BOP1: variants seen among roughly 807,000 people sequenced by gnomAD.
The protein encoded by BOP1 is BOP1 ribosomal biogenesis factor, also known as ribosome biogenesis protein BOP1.
Under a neutral mutation model 82.9 loss-of-function variants are expected in BOP1, and 54 were observed. The observed-to-expected ratio is 0.65, with a 90% CI of 0.52 to 0.82. The LOEUF is 0.82. Ranked by LOEUF, BOP1 falls within the 40% of genes least tolerant of loss-of-function variation. The pLI, the probability that BOP1 is intolerant of heterozygous loss-of-function variation, is 0.00. For synonymous variants in BOP1, 566 were observed against 451.1 expected (o/e 1.25, Z -3.23); for missense variants, 1,170 against 1,072.0 (o/e 1.09, Z -1.28).
At chr8:144,273,024 C>T (rs921771685) in intron 3 of BOP1, among the ~76,000 whole-genome samples, 1 of 152,264 alleles carries the variant, frequency 6.6e-6, no homozygotes, top group South Asian at 2.1e-4. Context: ...GGTGGATGGC[C>T]GCCAGGGAGA....
chr8:144,289,875 G>C (rs1814984919), intron 1 of BOP1, among the ~76,000 whole-genome samples: 2 of 152,216 alleles, frequency 1.3e-5, no homozygotes, highest in Admixed American at 6.5e-5. Context: ...TAAATTGAAA[G>C]GATTGGCTGA....
intron 2 of BOP1, among the ~76,000 whole-genome samples, chr8:144,288,475 C>T (rs557931201): frequency 6.6e-6 from 1 of 151,736 alleles, no homozygotes; most frequent in East Asian, 1.9e-4. Flanking sequence ...TTGCAGTGAG[C>T]CAAGATCACA....
intron 2 of BOP1, among the ~76,000 whole-genome samples, chr8:144,283,865 C>T (rs1023788378): frequency 5.9e-5 from 9 of 152,194 alleles, no homozygotes; most frequent in Non-Finnish European, 1.3e-4. Flanking sequence ...CGCCTGTCAT[C>T]CCAGCACTTC....
intron 1 of BOP1, among the ~76,000 whole-genome samples, chr8:144,290,052 C>T (rs1342205582): frequency 1.3e-5 from 2 of 152,150 alleles, no homozygotes; most frequent in African/African-American, 4.8e-5. Context: ...GGAACAAGAA[C>T]TTAGACTCTT....
Position 144,263,913 on chromosome 8 carries a change from TG to T in BOP1, c.1141-3del. 2 of 1,611,522 alleles carry T rather than the reference TG, an allele frequency of 1.2e-6. No homozygotes were observed. Among genetic ancestry groups the T allele is most frequent in the Admixed American group, 3.3e-5 (2 of 59,934 alleles). ...GAGGTCCTCAGGGTCTACATTCACC[TG>T]GGGCAGGAGAGCGCCAGGTCAGCCT... On this transcript the variant is annotated splice_polypyrimidine_tract_variant and splice_region_variant and intron_variant, in intron 8 of 15. Transcript: ENST00000569669.
chr8:144,271,565 T>G (rs1237415492), intron 3 of BOP1, among the ~76,000 whole-genome samples: 4 of 152,124 alleles, frequency 2.6e-5, no homozygotes, highest in Non-Finnish European at 2.9e-5. Flanking sequence ...TGAGGCCGCC[T>G]CCTCTTCCTC....
intron 3 of BOP1, among the ~76,000 whole-genome samples, chr8:144,275,499 AC>A (rs1845556131): frequency 1.3e-5 from 2 of 150,244 alleles, no homozygotes; most frequent in Non-Finnish European, 3.0e-5. Flanking sequence ...CAGCCTCTCC[AC>A]GCTGGCGGAG....
chr8:144,272,575 C>A lies in BOP1; in HGVS notation c.390+3649G>T, dbSNP rs111442765. On this transcript the variant is annotated intron_variant, in intron 3 of 15. Coordinates refer to ENST00000569669, the MANE Select transcript of BOP1 (RefSeq NM_015201.5). ...GCTCAAGAGCCCTGTAGAGCACCCC[C>A]CGCTGCCCACCCGGGTTCCAGCTGC... Among the ~76,000 whole-genome samples, 1,415 of 152,294 alleles carry A rather than the reference C, an allele frequency of 9.3e-3. 26 individuals are homozygous for A. Among genetic ancestry groups the A allele is most frequent in the African/African-American group, 0.032 (1,323 of 41,568 alleles).
chr8:144,266,426 T>G, intron 3 of BOP1: 4 of 847,616 alleles, frequency 4.7e-6, no homozygotes, highest in Non-Finnish European at 5.7e-6. Context: ...GACGCCGCTA[T>G]AAAGGCGCAG....
chr8:144,271,387 G>A (rs1000071647), intron 3 of BOP1, among the ~76,000 whole-genome samples: 1 of 152,076 alleles, frequency 6.6e-6, no homozygotes, highest in African/African-American at 2.4e-5. Flanking sequence ...TCCTCGTTCC[G>A]CCTCTCCCAC....
At chr8:144,287,747 A>G (rs1366090887) in intron 2 of BOP1, among the ~76,000 whole-genome samples, 1 of 151,970 alleles carries the variant, frequency 6.6e-6, no homozygotes, top group Non-Finnish European at 1.5e-5. Flanking sequence ...ACAGCACATC[A>G]TTTTTTCTCT....
chr8:144,271,406 C>T (rs1410759572), intron 3 of BOP1, among the ~76,000 whole-genome samples: 2 of 152,082 alleles, frequency 1.3e-5, no homozygotes, highest in Non-Finnish European at 2.9e-5. Context: ...ACCTGTCCCC[C>T]GGGAGCGTGG....
Position 144,262,221 on chromosome 8 carries a change from G to A in BOP1, c.2184C>T (p.Pro728=). Residue 728 remains proline, a synonymous_variant, in exon 16 of 16, where the codon CCC becomes CCT. Coordinates refer to ENST00000569669, the MANE Select transcript of BOP1 (RefSeq NM_015201.5). ...CCGAGGAGAAGACCCACGGCTGGGT[G>A]GGGTGGAAGATGACGTCCAGCACTC... ...DLGVLDVIFH[P]TQPWVFSSGA... 2 of 1,612,672 alleles carry A rather than the reference G, an allele frequency of 1.2e-6. No individual in the cohort carries two copies. The highest frequency in any genetic ancestry group is 1.3e-5 in the African/African-American group (1 of 75,002).
At chr8:144,279,205 G>GC (rs1845630874) in intron 2 of BOP1, among the ~76,000 whole-genome samples, 1 of 151,838 alleles carries the variant, frequency 6.6e-6, no homozygotes, top group Middle Eastern at 3.2e-3. Context: ...TCAAGGACAG[G>GC]CCCCAAGACC....
intron 3 of BOP1, among the ~76,000 whole-genome samples, chr8:144,267,773 CTGTGATTTACAGCTCCTGCTG>C (rs1380152100): frequency 6.6e-5 from 10 of 152,318 alleles, no homozygotes; most frequent in Admixed American, 2.6e-4. Flanking sequence ...CGCTGGCCAG[CTGTGATTTACAGCTCCTGCTG>C]TGCTTGGTGG....
At chr8:144,264,679 C>T in intron 5 of BOP1, 35 bp downstream of exon 5, 2 of 1,562,910 alleles carry the variant, frequency 1.3e-6, no homozygotes, top group Non-Finnish European at 1.7e-6. Flanking sequence ...GCCTCCAGGA[C>T]CCCCGCCGCC....
chr8:144,283,611 C>G (rs1814777916), intron 2 of BOP1, among the ~76,000 whole-genome samples: 1 of 152,210 alleles, frequency 6.6e-6, no homozygotes, highest in Non-Finnish European at 1.5e-5. Flanking sequence ...CTGGGCCCAG[C>G]CTGTGACTCA....
rs201176083 is a variant in BOP1 at position 144,289,085 on chromosome 8, G to A, written c.309+10C>T. The A allele has an allele frequency of 1.6e-5, 26 of 1,613,894 alleles. No individual in the cohort carries two copies. The highest frequency in any genetic ancestry group is 1.7e-4 in the Middle Eastern group (1 of 6,058). Reference sequence around the variant, plus strand: ...GGGACAGCCCTCGAGGGGGCTCCTCGCTCACCCACCTGCACCTGCTCCTCA... The same window carrying A: ...GGGACAGCCCTCGAGGGGGCTCCTCACTCACCCACCTGCACCTGCTCCTCA... On this transcript the variant is annotated intron_variant, in intron 2 of 15. Transcript: ENST00000569669.
intron 2 of BOP1, among the ~76,000 whole-genome samples, chr8:144,276,910 G>A (rs1164644742): frequency 7.9e-5 from 12 of 152,184 alleles, no homozygotes; most frequent in African/African-American, 2.4e-4. Context: ...CCTGCCCAGC[G>A]TTCTCCCACC....
Sources: allele counts gnomAD v4.1 joint callset (sites outside exome capture counted in the v4.1 genomes callset), GRCh38; gene constraint gnomAD v4.1.1; transcripts MANE v1.5; gene names NCBI Gene and HGNC (gene_info 2026-07-23, HGNC 2026-07-21).